Variants in MTHFD2L observed in about 807,000 individuals in gnomAD.
The protein encoded by MTHFD2L is methylenetetrahydrofolate dehydrogenase (NADP+ dependent) 2 like, also known as bifunctional methylenetetrahydrofolate dehydrogenase/cyclohydrolase 2, mitochondrial.
Under a neutral mutation model 34.9 loss-of-function variants are expected in MTHFD2L, and 29 were observed. The ratio of observed to expected loss-of-function variants is 0.83; its 90% CI spans 0.62 to 1.13. MTHFD2L has a LOEUF of 1.13. MTHFD2L is among the 50% of genes most tolerant of loss of function. The pLI is 0.00. For synonymous variants in MTHFD2L, 167 were observed against 155.7 expected (o/e 1.07, Z -0.54); for missense variants, 481 against 446.5 (o/e 1.08, Z -0.70).
chr4:74,180,775 A>G (rs1165501082), intron 3 of MTHFD2L: 1 of 421,066 alleles, frequency 2.4e-6, no homozygotes, highest in Non-Finnish European at 5.0e-6. Flanking sequence ...CCCTAAAGCT[A>G]AGGAGAAATA....
In MTHFD2L at chr4:74,199,903, AC is replaced by A; in HGVS notation, c.563del (p.Pro188LeufsTer10). 6.2e-7 allele frequency: 1 copy of A among 1,604,902 alleles called. No individual in the cohort carries two copies. The highest frequency in any genetic ancestry group is 8.5e-7 in the Non-Finnish European group (1 of 1,175,844). ...RLCLDQHSLI[P>X]ATASAVWEII... ...TGTGCCTTGATCAGCATTCTCTCAT[AC>A]CTGCCACTGCCAGTGCTGTTTGGGA... On this transcript the variant is annotated frameshift_variant, in exon 4 of 8. Transcript: ENST00000325278. LOFTEE classifies it high-confidence loss of function.
At chr4:74,284,218 A>G (rs1747855002) in intron 7 of MTHFD2L, among the ~76,000 whole-genome samples, 1 of 152,164 alleles carries the variant, frequency 6.6e-6, no homozygotes, top group South Asian at 2.1e-4. Flanking sequence ...AAAGGATGAC[A>G]ATGTCCCAGA....
At chr4:74,148,832 G>A (rs1407023256) in intron 1 of MTHFD2L, among the ~76,000 whole-genome samples, 1 of 151,682 alleles carries the variant, frequency 6.6e-6, no homozygotes, top group African/African-American at 2.4e-5. Flanking sequence ...AAATCACTGG[G>A]TCTGGCTTGT....
chr4:74,153,741 G>A (rs577889), upstream of MTHFD2L, among the ~76,000 whole-genome samples: 150,018 of 152,294 alleles, frequency 0.99, 73,928 homozygotes, highest in East Asian at 1. Flanking sequence ...ACCCTGGCTA[G>A]ATAGACATTT....
At chr4:74,244,512 TTA>T (rs35093945) in intron 6 of MTHFD2L, among the ~76,000 whole-genome samples, 95,418 of 151,940 alleles carry the variant, frequency 0.63, 32,857 homozygotes, top group Middle Eastern at 0.78. Context: ...TTTGTAATAC[TTA>T]TATGTTTTTT....
At chr4:74,296,982 G>T (rs1749710233) in intron 7 of MTHFD2L, among the ~76,000 whole-genome samples, 1 of 152,032 alleles carries the variant, frequency 6.6e-6, no homozygotes, top group African/African-American at 2.4e-5. Flanking sequence ...AGAATAGTAT[G>T]TACAAAGGCA....
chr4:74,164,082 A>G (rs967299039), intron 1 of MTHFD2L, among the ~76,000 whole-genome samples: 3 of 152,210 alleles, frequency 2.0e-5, no homozygotes, highest in South Asian at 2.1e-4. Context: ...TCACCGTGTT[A>G]GCCAGGATGC....
At position 74,255,430 on chromosome 4, in the gene MTHFD2L, G is replaced by A. The variant is rs539311017; in HGVS notation, c.806-25995G>A. 5.3e-5 allele frequency among the ~76,000 whole-genome samples: 8 copies of A among 152,154 alleles called. No homozygotes were observed. The South Asian group carries it at 1.7e-3, about 32-fold the overall frequency. On this transcript the variant is annotated intron_variant, in intron 6 of 7. Coordinates refer to ENST00000325278, the MANE Select transcript of MTHFD2L (RefSeq NM_001144978.3). ...ATCATTAGTCACAGAGGAAAATGGA[G>A]AAAGAAGAAAGGAACTAGAAAACAG...
chr4:74,118,267 CT>C (rs757630801), intron 2 of MTHFD2L, among the ~76,000 whole-genome samples: 4 of 152,128 alleles, frequency 2.6e-5, no homozygotes, highest in Non-Finnish European at 4.4e-5. Flanking sequence ...GATTTTAACC[CT>C]CTTTTGTCCT....
chr4:74,279,697 A>T (rs4502653), intron 6 of MTHFD2L, among the ~76,000 whole-genome samples: 37,615 of 151,952 alleles, frequency 0.25, 5,057 homozygotes, highest in African/African-American at 0.37. Context: ...CTGCAGCTAT[A>T]CTCAATGTAT....
chr4:74,145,376 A>G (rs1390862487), intron 1 of MTHFD2L, among the ~76,000 whole-genome samples: 2 of 152,196 alleles, frequency 1.3e-5, no homozygotes, highest in Non-Finnish European at 2.9e-5. Context: ...GTTCTATGCA[A>G]ATACTTCACC....
rs2109961691 is a variant in MTHFD2L at position 74,175,378 on chromosome 4, T to C, written c.426T>C (p.Gly142=). 6.2e-7 allele frequency: 1 copy of C among 1,612,302 alleles called. No homozygotes were observed. The highest frequency in any genetic ancestry group is 2.2e-5 in the East Asian group (1 of 44,810). The change falls in exon 3 of 8, where the codon GGT becomes GGC. Residue 142 remains glycine (G), a synonymous_variant. Coordinates refer to ENST00000325278, the MANE Select transcript of MTHFD2L (RefSeq NM_001144978.3). ...TGAATATGGACCCAAGAGTCAGCGG[T>C]ATATTAGTTCAGTTACCACTACCAG... The part of the protein sequence containing the change: ...DQLNMDPRVS[G]ILVQLPLPDH...
At chr4:74,136,147 T>C (rs1443636250) in intron 1 of MTHFD2L, among the ~76,000 whole-genome samples, 1 of 151,742 alleles carries the variant, frequency 6.6e-6, no homozygotes, top group Non-Finnish European at 1.5e-5. Flanking sequence ...AGCAATTAGG[T>C]AAGAAAAAGA....
chr4:74,258,413 C>G (rs1744289675), intron 6 of MTHFD2L, among the ~76,000 whole-genome samples: 1 of 151,452 alleles, frequency 6.6e-6, no homozygotes, highest in African/African-American at 2.4e-5. Context: ...CACACACAAA[C>G]ACACAGTTGA....
At chr4:74,274,115 G>A (rs1746327634) in intron 6 of MTHFD2L, among the ~76,000 whole-genome samples, 1 of 151,876 alleles carries the variant, frequency 6.6e-6, no homozygotes, top group African/African-American at 2.4e-5. Flanking sequence ...GCTTCCCAAA[G>A]TGCTGGGATT....
chr4:74,144,661 G>T (rs541455854), intron 1 of MTHFD2L, among the ~76,000 whole-genome samples: 71 of 151,956 alleles, frequency 4.7e-4, no homozygotes, highest in African/African-American at 1.7e-3. Context: ...AAAATTTTTT[G>T]GTTTCCACCT....
chr4:74,153,063 G>T (rs76913240), intron 1 of MTHFD2L, among the ~76,000 whole-genome samples: 1 of 152,136 alleles, frequency 6.6e-6, no homozygotes, highest in Non-Finnish European at 1.5e-5. Context: ...TTCCTTGGCT[G>T]TGATTTTCCC....
intron 7 of MTHFD2L, among the ~76,000 whole-genome samples, chr4:74,300,209 C>T (rs553651558): frequency 1.4e-4 from 22 of 152,042 alleles, no homozygotes; most frequent in African/African-American, 5.3e-4. Context: ...CTTATATTTT[C>T]TTTATAGCAT....
chr4:74,208,976 G>A (rs185951948), intron 5 of MTHFD2L, among the ~76,000 whole-genome samples: 17 of 152,214 alleles, frequency 1.1e-4, no homozygotes, highest in Middle Eastern at 3.4e-3. Flanking sequence ...GCCTATCTAA[G>A]GGTCCCCGGC....
Sources: gnomAD v4.1 joint callset for allele counts (sites outside exome capture counted in the v4.1 genomes callset) on GRCh38, gnomAD v4.1.1 for gene constraint, MANE v1.5 for transcripts, NCBI Gene and HGNC (gene_info 2026-07-23, HGNC 2026-07-21) for gene names.